Variants in FSTL1 observed in about 807,000 individuals in gnomAD.
FSTL1 encodes follistatin like 1.
FSTL1 carries 24 observed loss-of-function variants against 45.9 expected under a neutral mutation model. The observed-to-expected ratio is 0.52, with a 90% CI of 0.38 to 0.74. FSTL1 has a LOEUF of 0.74. FSTL1 is among the 30% of genes least tolerant of loss of function. The pLI, the probability that FSTL1 is intolerant of heterozygous loss-of-function variation, is 0.00. For missense variants in FSTL1, 340 were observed against 381.8 expected (o/e 0.89, Z 0.91); for synonymous variants, 120 against 137.6 (o/e 0.87, Z 0.89).
At chr3:120,404,545 A>G (rs1490272057) in intron 7 of FSTL1, among the ~76,000 whole-genome samples, 1 of 152,276 alleles carries the variant, frequency 6.6e-6, no homozygotes, top group Non-Finnish European at 1.5e-5. Flanking sequence ...AAAATTAATC[A>G]GTAAAACATC....
At chr3:120,429,788 C>G (rs184230818) in intron 2 of FSTL1, among the ~76,000 whole-genome samples, 9 of 152,290 alleles carry the variant, frequency 5.9e-5, no homozygotes, top group Non-Finnish European at 1.0e-4. Flanking sequence ...CAGATGGGAC[C>G]ATCTTTGCTT....
At position 120,449,526 on chromosome 3, in the gene FSTL1, T is replaced by C. The variant is rs184691051; in HGVS notation, c.63+1158A>G. Among the ~76,000 whole-genome samples, 460 of 152,352 alleles carry C rather than the reference T, an allele frequency of 3.0e-3. 4 individuals carry two copies. Among genetic ancestry groups the C allele is most frequent in the African/African-American group, 0.01 (432 of 41,584 alleles). On this transcript the variant is annotated intron_variant, in intron 2 of 10. Coordinates refer to ENST00000295633, the MANE Select transcript of FSTL1 (RefSeq NM_007085.5). ...ATTAAAATGGAATTTTATTACAACATAGCAGATATTTAATAAATATTAGCT... is the reference window on the plus strand; with the variant it reads ...ATTAAAATGGAATTTTATTACAACACAGCAGATATTTAATAAATATTAGCT...
rs73855244 is a variant in FSTL1 at position 120,446,522 on chromosome 3, C to T, written c.63+4162G>A. ...ACAGCCCCTGCTATGTTTTACACCC[C>T]AATTTCCAGCAATGGTCTTTAGAAC... On this transcript the variant is annotated intron_variant, in intron 2 of 10. Coordinates refer to ENST00000295633, the MANE Select transcript of FSTL1 (RefSeq NM_007085.5). Among the ~76,000 whole-genome samples the T allele has an allele frequency of 2.4e-3, 359 of 152,292 alleles. 1 individual carries two copies. Among genetic ancestry groups the T allele is most frequent in the African/African-American group, 8.1e-3 (338 of 41,560 alleles).
chr3:120,422,790 G>C (rs1937304022), intron 2 of FSTL1, among the ~76,000 whole-genome samples: 1 of 152,086 alleles, frequency 6.6e-6, no homozygotes, highest in Non-Finnish European at 1.5e-5. Context: ...CACCTCCCGG[G>C]TTCAAGCGAT....
At position 120,427,780 on chromosome 3, in the gene FSTL1, T is replaced by G. The variant is rs145924301; in HGVS notation, c.64-11753A>C. Among the ~76,000 whole-genome samples the G allele has an allele frequency of 1.8e-3, 280 of 152,168 alleles. 1 individual carries two copies. The highest frequency in any genetic ancestry group is 5.4e-3 in the African/African-American group (225 of 41,516). ...TTGTCCACAGTTTAAATATTTAACCTAACTGAGACATGCTGAGAGAATGAG... is the reference window on the plus strand; with the variant it reads ...TTGTCCACAGTTTAAATATTTAACCGAACTGAGACATGCTGAGAGAATGAG... On this transcript the variant is annotated intron_variant, in intron 2 of 10. Coordinates refer to ENST00000295633, the MANE Select transcript of FSTL1 (RefSeq NM_007085.5).
At chr3:120,398,916 C>T (rs1404346941) in intron 10 of FSTL1, among the ~76,000 whole-genome samples, 1 of 152,184 alleles carries the variant, frequency 6.6e-6, no homozygotes, top group African/African-American at 2.4e-5. Context: ...AAGCAAAAGA[C>T]TAGAAGCTTT....
At position 120,404,910 on chromosome 3, in the gene FSTL1, T is replaced by C. The variant is rs140954100; in HGVS notation, c.524A>G (p.Asn175Ser). ...CGTTGTAATATTGATGGCAGTTTCA[T>C]TCTGTTCCACAAACTTCAGGAATTC... ...SSEFLKFVEQ[N>S]ETAINITTYP... The change falls in exon 7 of 11, where the codon AAT becomes AGT. Residue 175 changes from asparagine (N) to serine (S), a missense_variant. By Grantham distance (46) the Asn-to-Ser change is conservative. Coordinates refer to ENST00000295633, the MANE Select transcript of FSTL1 (RefSeq NM_007085.5). The C allele has an allele frequency of 1.2e-6, 2 of 1,609,364 alleles. No homozygotes were observed. The highest frequency in any genetic ancestry group is 1.7e-6 in the Non-Finnish European group (2 of 1,175,580).
chr3:120,406,033 T>C (rs913512647), intron 6 of FSTL1, among the ~76,000 whole-genome samples: 3 of 152,052 alleles, frequency 2.0e-5, no homozygotes, highest in Admixed American at 6.5e-5. Flanking sequence ...AATTTCTAGA[T>C]AGAAGGGGAA....
chr3:120,440,829 C>T (rs1937619988), intron 2 of FSTL1, among the ~76,000 whole-genome samples: 1 of 152,186 alleles, frequency 6.6e-6, no homozygotes, highest in South Asian at 2.1e-4. Context: ...TTCAGGATGA[C>T]CTCTCTGTAA....
chr3:120,411,716 C>T, intron 4 of FSTL1, 138 bp downstream of exon 4: 1 of 782,624 alleles, frequency 1.3e-6, no homozygotes, highest in Non-Finnish European at 2.1e-6. Context: ...GATGCAACTC[C>T]AACCAACTGG....
At chr3:120,435,446 T>C (rs1937533908) in intron 2 of FSTL1, among the ~76,000 whole-genome samples, 1 of 152,208 alleles carries the variant, frequency 6.6e-6, no homozygotes, top group African/African-American at 2.4e-5. Context: ...TTATTTGTTC[T>C]ACCCACTTCT....
chr3:120,432,422 A>G (rs1937494094), intron 2 of FSTL1, among the ~76,000 whole-genome samples: 1 of 152,122 alleles, frequency 6.6e-6, no homozygotes, highest in African/African-American at 2.4e-5. Context: ...CCAATGAGGG[A>G]CTGCCAGGTA....
intron 6 of FSTL1, among the ~76,000 whole-genome samples, 195 bp downstream of exon 6, chr3:120,409,337 C>A (rs1450855392): frequency 6.6e-6 from 1 of 152,202 alleles, no homozygotes; most frequent in Non-Finnish European, 1.5e-5. Context: ...CCCAAAGACT[C>A]CACTGCTTAC....
At chr3:120,428,803 T>G (rs927791363) in intron 2 of FSTL1, among the ~76,000 whole-genome samples, 5 of 152,198 alleles carry the variant, frequency 3.3e-5, no homozygotes, top group African/African-American at 1.2e-4. Context: ...TGGGAATCTC[T>G]GGGGGTAGTG....
intron 2 of FSTL1, among the ~76,000 whole-genome samples, chr3:120,418,251 T>C (rs1267052603): frequency 1.3e-5 from 2 of 152,328 alleles, no homozygotes; most frequent in East Asian, 1.9e-4. Flanking sequence ...AGAATAGGTA[T>C]ATTATTATTA....
chr3:120,425,350 C>T (rs1033113978), intron 2 of FSTL1, among the ~76,000 whole-genome samples: 3 of 136,102 alleles, frequency 2.2e-5, no homozygotes, highest in Non-Finnish European at 4.8e-5. Context: ...TGGCAAATGT[C>T]GGGATAAAAC....
In FSTL1 at chr3:120,443,763, C is replaced by T. The variant is rs1027880345; in HGVS notation, c.63+6921G>A. ...ATTCAAGGGACATATGGGGGTCATA[C>T]ATTCAGACTAATCCTGGGAATAGTT... On this transcript the variant is annotated intron_variant, in intron 2 of 10. Coordinates refer to ENST00000295633, the MANE Select transcript of FSTL1 (RefSeq NM_007085.5). Among the ~76,000 whole-genome samples, 4 of 149,916 alleles carry T rather than the reference C, an allele frequency of 2.7e-5. No individual in the cohort carries two copies. The East Asian group carries it at 7.7e-4, about 29-fold the overall frequency.
intron 3 of FSTL1, among the ~76,000 whole-genome samples, chr3:120,412,601 CCAAA>C (rs1937077071): frequency 6.6e-6 from 1 of 152,026 alleles, no homozygotes; most frequent in South Asian, 2.1e-4. Context: ...TTATAGCAGC[CCAAA>C]CAAACAAAGA....
chr3:120,411,913 T>A lies in FSTL1; in HGVS notation c.239A>T (p.His80Leu), dbSNP rs1448018066. The A allele has an allele frequency of 1.9e-6, 3 of 1,613,478 alleles. No individual in the cohort carries two copies. The highest frequency in any genetic ancestry group is 2.5e-6 in the Non-Finnish European group (3 of 1,179,486). ...GGATCCAGTGAGGCAGGCATCTCGA[T>A]GCAGTTCACAGTGGTTGAGGTAGGT... ...GKTYLNHCEL[H>L]RDACLTGSKI... is the part of the protein sequence containing the mutation. The change falls in exon 4 of 11, where the codon CAT (histidine) becomes CTT (leucine). Residue 80 changes from histidine (H) to leucine (L), a missense_variant. Transcript: ENST00000295633.
Sources: allele counts gnomAD v4.1 joint callset (sites outside exome capture counted in the v4.1 genomes callset), GRCh38; gene constraint gnomAD v4.1.1; transcripts MANE v1.5; gene names NCBI Gene and HGNC (gene_info 2026-07-23, HGNC 2026-07-21).